Variants in CTNNAL1 observed in about 807,000 individuals in gnomAD.
CTNNAL1 encodes the protein catenin alpha like 1.
CTNNAL1 carries 69 observed loss-of-function variants against 93.6 expected under a neutral mutation model. The ratio of observed to expected loss-of-function variants is 0.74; its 90% CI spans 0.61 to 0.90. The LOEUF is 0.90. CTNNAL1 is among the 40% of genes least tolerant of loss of function. CTNNAL1 has a pLI of 0.00. For synonymous variants in CTNNAL1, 286 were observed against 305.4 expected, an observed-to-expected ratio of 0.94 and a Z score of 0.66; for missense variants, 836 against 862.0, an observed-to-expected ratio of 0.97 and a Z score of 0.38.
At chr9:108,972,602 T>G in intron 9 of CTNNAL1, 73 bp downstream of exon 9, 1 of 1,299,696 alleles carries the variant, frequency 7.7e-7, no homozygotes. Flanking sequence ...AAACTGTATT[T>G]GTGTTAACAT....
At chr9:108,955,085 C>T in intron 12 of CTNNAL1, among the ~76,000 whole-genome samples, 1 of 152,150 alleles carries the variant, frequency 6.6e-6, no homozygotes. Context: ...GACTCACCCT[C>T]CCGAGTAGCT....
At chr9:108,976,866 A>G (rs1831281023) in intron 8 of CTNNAL1, 96 bp downstream of exon 8, 1 of 515,872 alleles carries the variant, frequency 1.9e-6, no homozygotes, top group Non-Finnish European at 3.3e-6. Flanking sequence ...TTTTCTAGGC[A>G]CAGAGACATA....
At position 108,990,858 on chromosome 9, in the gene CTNNAL1, T is replaced by A. The variant is rs755740508; in HGVS notation, c.520-13A>T. The A allele has an allele frequency of 1.2e-6, 2 of 1,607,694 alleles. No homozygotes were observed. The highest frequency in any genetic ancestry group is 1.7e-6 in the Non-Finnish European group (2 of 1,177,648). On this transcript the variant is annotated splice_polypyrimidine_tract_variant and intron_variant, in intron 3 of 18. Coordinates refer to ENST00000325551, the MANE Select transcript of CTNNAL1 (RefSeq NM_003798.4). ...TAGTTGCGAGAACCTGCAAAACAGA[T>A]AATAATTCATTATTTGGTGAGAGCT...
At chr9:108,972,864 G>GGGTCCCCC in intron 8 of CTNNAL1, 31 bp from the exon 9 acceptor site, 1 of 142,588 alleles carries the variant, frequency 7.0e-6, no homozygotes, top group Non-Finnish European at 1.0e-5. Flanking sequence ...GGGGGGGTGG[G>GGGTCCCCC]AGGGTGGAGA....
At chr9:108,991,386 G>A (rs1831799656) in intron 3 of CTNNAL1, among the ~76,000 whole-genome samples, 1 of 152,172 alleles carries the variant, frequency 6.6e-6, no homozygotes, top group African/African-American at 2.4e-5. Context: ...GCCATCAGGG[G>A]TGAATAAAGA....
At chr9:108,993,774 A>T (rs1270222739) in intron 2 of CTNNAL1, among the ~76,000 whole-genome samples, 1 of 152,222 alleles carries the variant, frequency 6.6e-6, no homozygotes, top group African/African-American at 2.4e-5. Flanking sequence ...AAAGTCCTAA[A>T]TATACCTGTG....
chr9:108,971,991 C>A (rs1050593728), intron 9 of CTNNAL1, among the ~76,000 whole-genome samples: 7 of 152,114 alleles, frequency 4.6e-5, no homozygotes, highest in Non-Finnish European at 1.0e-4. Flanking sequence ...ATTGTCTACA[C>A]CTATGTTTGG....
chr9:108,976,541 C>A (rs77968187), intron 8 of CTNNAL1, among the ~76,000 whole-genome samples: 5 of 144,068 alleles, frequency 3.5e-5, no homozygotes, highest in Admixed American at 2.7e-4. Context: ...TTTTTTTTTT[C>A]TTTTTTTGAG....
At chr9:108,987,025 T>C (rs949298981) in intron 4 of CTNNAL1, among the ~76,000 whole-genome samples, 7 of 152,328 alleles carry the variant, frequency 4.6e-5, no homozygotes, top group South Asian at 4.1e-4. Context: ...AGAAGCTCTT[T>C]AGTTTAATTA....
intron 17 of CTNNAL1, among the ~76,000 whole-genome samples, chr9:108,943,409 G>A (rs1830304648): frequency 6.6e-6 from 1 of 152,134 alleles, no homozygotes; most frequent in African/African-American, 2.4e-5. Context: ...GACAAATTAT[G>A]GGAGACCAGA....
intron 1 of CTNNAL1, among the ~76,000 whole-genome samples, chr9:109,006,732 A>G (rs1827038221): frequency 6.6e-6 from 1 of 152,216 alleles, no homozygotes; most frequent in African/African-American, 2.4e-5. Context: ...TAAAAGAATA[A>G]GAATTAGGGT....
chr9:108,948,066 T>C (rs1019408894), intron 15 of CTNNAL1, 120 bp downstream of exon 15: 21 of 1,157,074 alleles, frequency 1.8e-5, no homozygotes, highest in Middle Eastern at 2.0e-4. Context: ...CTCTCTGTAA[T>C]ACACAGGTAG....
rs373990953 is a variant in CTNNAL1, at chr9:108,970,479, G to C, written c.1363C>G (p.Arg455Gly). ...EQLVETCRLLRHISGTEPLEI... is the reference protein window; with the variant it reads ...EQLVETCRLLGHISGTEPLEI... ...AGAGGTTCTGTCCCAGATATGTGTC[G>C]TAACAATCGACAGGTCTACAAGACA... Residue 455 changes from arginine to glycine, a missense_variant, in exon 10 of 19, where the codon CGA becomes GGA. Physicochemically the swap from Arg to Gly is moderately radical, Grantham distance 125 (BLOSUM62 -2). Transcript: ENST00000325551. 1 of 1,610,668 alleles carries C rather than the reference G, an allele frequency of 6.2e-7. No homozygotes were observed.
At chr9:108,966,782 A>G (rs1830965702) in intron 10 of CTNNAL1, among the ~76,000 whole-genome samples, 2 of 152,232 alleles carry the variant, frequency 1.3e-5, no homozygotes, top group Admixed American at 1.3e-4. Context: ...TCTAACACAA[A>G]GGACTTGATG....
At chr9:108,999,399 A>C (rs1353569558) in intron 1 of CTNNAL1, 143 bp from the exon 2 acceptor site, 2 of 724,176 alleles carry the variant, frequency 2.8e-6, no homozygotes, top group African/African-American at 1.8e-5. Context: ...AACAGAGACA[A>C]CCAGCAAAGT....
chr9:108,955,644 T>C, intron 12 of CTNNAL1, 146 bp downstream of exon 12: 1 of 734,952 alleles, frequency 1.4e-6, no homozygotes. Context: ...CTACCCAGAA[T>C]AACAACTCTG....
chr9:108,995,021 G>A (rs563068886), intron 2 of CTNNAL1, among the ~76,000 whole-genome samples: 1 of 152,266 alleles, frequency 6.6e-6, no homozygotes, highest in African/African-American at 2.4e-5. Context: ...CACACTGACC[G>A]CTACCTCATG....
intron 10 of CTNNAL1, among the ~76,000 whole-genome samples, chr9:108,969,917 C>A (rs1021882234): frequency 6.6e-6 from 1 of 152,162 alleles, no homozygotes; most frequent in Non-Finnish European, 1.5e-5. Flanking sequence ...AACGATCCTC[C>A]TACATCAGCC....
At chr9:108,999,389 A>G in intron 1 of CTNNAL1, 133 bp from the exon 2 acceptor site, 1 of 789,836 alleles carries the variant, frequency 1.3e-6, no homozygotes, top group Non-Finnish European at 1.9e-6. Context: ...GAGATGCTTC[A>G]ACAGAGACAA....
Sources: gnomAD v4.1 joint callset for allele counts (sites outside exome capture counted in the v4.1 genomes callset) on GRCh38, gnomAD v4.1.1 for gene constraint, MANE v1.5 for transcripts, NCBI Gene and HGNC (gene_info 2026-07-23, HGNC 2026-07-21) for gene names.